Variants in APP observed in about 807,000 individuals in gnomAD.
APP encodes the protein amyloid-beta precursor protein.
A neutral mutation model predicts 101.4 loss-of-function variants in APP; 31 were observed. The observed-to-expected ratio is 0.31, with a 90% CI of 0.23 to 0.41. APP has a LOEUF of 0.41. Ranked by LOEUF, APP falls within the 10% of genes least tolerant of loss-of-function variation. The probability of loss-of-function intolerance (pLI) is 1.00; values close to 1 mark genes in which losing one functional copy is unlikely to be tolerated. For missense variants in APP, 839 were observed against 1,003.7 expected (o/e 0.84, Z 2.22); for synonymous variants, 366 against 364.4 (o/e 1.00, Z -0.05).
intron 17 of APP, among the ~76,000 whole-genome samples, chr21:25,884,851 A>G (rs1298983234): frequency 2.6e-5 from 4 of 152,242 alleles, no homozygotes; most frequent in Non-Finnish European, 5.9e-5. Flanking sequence ...AATCATTTGC[A>G]TGCATCAAGG....
At chr21:26,084,117 G>C (rs544657343) in intron 3 of APP, among the ~76,000 whole-genome samples, 26 of 150,738 alleles carry the variant, frequency 1.7e-4, no homozygotes, top group African/African-American at 6.1e-4. Flanking sequence ...CTGAGTTTTA[G>C]AAAGCAAATC....
chr21:26,033,072 T>C, intron 5 of APP, among the ~76,000 whole-genome samples: 1 of 152,084 alleles, frequency 6.6e-6, no homozygotes, highest in Admixed American at 6.5e-5. Flanking sequence ...ACAAAGAAGG[T>C]AGCAAACAGG....
chr21:25,906,363 T>C (rs2038789107), intron 14 of APP, among the ~76,000 whole-genome samples: 1 of 10,786 alleles, frequency 9.3e-5, no homozygotes, highest in African/African-American at 4.3e-4. Flanking sequence ...TTACAATGTC[T>C]GTGGCCTTGG....
chr21:25,926,758 G>A (rs1199862689), intron 13 of APP, among the ~76,000 whole-genome samples: 1 of 152,012 alleles, frequency 6.6e-6, no homozygotes, highest in Non-Finnish European at 1.5e-5. Flanking sequence ...AGCATATCAC[G>A]CCTGTAATCC....
intron 3 of APP, chr21:26,089,725 C>T (rs188704605): frequency 1.1e-5 from 6 of 527,342 alleles, no homozygotes; most frequent in South Asian, 7.7e-5. Flanking sequence ...TCAATATACA[C>T]CCTGGGTAAA....
At chr21:26,027,993 G>A (rs113300071) in intron 5 of APP, among the ~76,000 whole-genome samples, 3,486 of 152,032 alleles carry the variant, frequency 0.023, 155 homozygotes, top group African/African-American at 0.079. Flanking sequence ...CCAGGAGTTC[G>A]AGACCAGCCT....
chr21:26,082,308 G>C (rs2061615066), intron 3 of APP, among the ~76,000 whole-genome samples: 1 of 151,962 alleles, frequency 6.6e-6, no homozygotes, highest in Non-Finnish European at 1.5e-5. Flanking sequence ...ATTTTCCTTT[G>C]GCATAAAGCA....
intron 2 of APP, among the ~76,000 whole-genome samples, chr21:26,102,889 C>CAAA (rs3084283): frequency 1.4e-4 from 9 of 63,090 alleles, no homozygotes; most frequent in African/African-American, 1.8e-4. Flanking sequence ...GACTCTGTCT[C>CAAA]AAAAAAAAAA....
intron 15 of APP, among the ~76,000 whole-genome samples, chr21:25,899,828 C>CT (rs1381885321): frequency 1.3e-5 from 2 of 152,166 alleles, no homozygotes; most frequent in Non-Finnish European, 2.9e-5. Flanking sequence ...CTAGGGCTTT[C>CT]TTTTCTCATG....
chr21:25,951,540 G>A (rs1601004221), intron 13 of APP, among the ~76,000 whole-genome samples: 1 of 152,138 alleles, frequency 6.6e-6, no homozygotes, highest in East Asian at 1.9e-4. Context: ...TTTTGCCAGT[G>A]TCTCTGAATT....
chr21:25,883,083 T>C (rs1247281630), intron 17 of APP, among the ~76,000 whole-genome samples: 6 of 152,146 alleles, frequency 3.9e-5, no homozygotes, highest in Non-Finnish European at 7.3e-5. Context: ...TAGACCACAC[T>C]GGCTGATAAC....
chr21:25,989,922 T>TA (rs58821939), intron 8 of APP, among the ~76,000 whole-genome samples: 4,549 of 145,172 alleles, frequency 0.031, 195 homozygotes, highest in African/African-American at 0.1. Flanking sequence ...AAAGTGTCTC[T>TA]AAAAAAAAAA....
chr21:25,894,276 A>C (rs1008308154), intron 16 of APP, among the ~76,000 whole-genome samples: 9 of 152,232 alleles, frequency 5.9e-5, no homozygotes, highest in African/African-American at 2.2e-4. Context: ...CCTGTGGATC[A>C]ACTTTCAAGT....
intron 1 of APP, among the ~76,000 whole-genome samples, chr21:26,129,471 A>AAG (rs2146267522): frequency 6.6e-6 from 1 of 152,054 alleles, no homozygotes; most frequent in African/African-American, 2.4e-5. Context: ...TCCGTTTCAA[A>AAG]AAAAAAAAAA....
At chr21:26,149,622 C>T (rs2063221222) in intron 1 of APP, among the ~76,000 whole-genome samples, 1 of 152,196 alleles carries the variant, frequency 6.6e-6, no homozygotes, top group Admixed American at 6.5e-5. Flanking sequence ...CAATAATTCT[C>T]CCTGTCTTAA....
At chr21:26,104,416 G>A (rs77502122) in intron 2 of APP, among the ~76,000 whole-genome samples, 21 of 152,242 alleles carry the variant, frequency 1.4e-4, no homozygotes, top group East Asian at 5.8e-4. Context: ...AAACTATTAC[G>A]ATTGGGAAAG....
chr21:26,064,084 T>A (rs996876566), intron 3 of APP, among the ~76,000 whole-genome samples: 12 of 152,102 alleles, frequency 7.9e-5, no homozygotes, highest in Admixed American at 7.2e-4. Context: ...ATACAAAACC[T>A]TTAAGGTTAT....
chr21:25,984,012 G>A (rs1241491073), intron 8 of APP, among the ~76,000 whole-genome samples: 1 of 152,148 alleles, frequency 6.6e-6, no homozygotes, highest in East Asian at 1.9e-4. Context: ...ACATGCCGCA[G>A]GACATGATAG....
chr21:26,128,234 A>G (rs2062723480), intron 1 of APP, among the ~76,000 whole-genome samples: 2 of 152,220 alleles, frequency 1.3e-5, no homozygotes, highest in Non-Finnish European at 2.9e-5. Context: ...CACCAAGTCT[A>G]CATAGTATTT....
Sources: gnomAD v4.1 joint callset for allele counts (sites outside exome capture counted in the v4.1 genomes callset) on GRCh38, gnomAD v4.1.1 for gene constraint, MANE v1.5 for transcripts, NCBI Gene and HGNC (gene_info 2026-07-23, HGNC 2026-07-21) for gene names.